The following ZMYND11 variants were observed in gnomAD, a reference collection of about 807,000 sequenced individuals.
ZMYND11 encodes the protein zinc finger MYND-type containing 11, also known as zinc finger MYND domain-containing protein 11.
ZMYND11 carries 9 observed loss-of-function variants against 84.9 expected under a neutral mutation model. The observed-to-expected ratio is 0.11, with a 90% CI of 0.06 to 0.18. The LOEUF is 0.18. Ranked by LOEUF, ZMYND11 falls within the 10% of genes least tolerant of loss-of-function variation. The probability of loss-of-function intolerance (pLI) is 1.00; values close to 1 mark genes in which losing one functional copy is unlikely to be tolerated. For missense variants in ZMYND11, 409 were observed against 761.0 expected, an observed-to-expected ratio of 0.54 and a Z score of 5.44; for synonymous variants, 250 against 244.1, an observed-to-expected ratio of 1.02 and a Z score of -0.23.
chr10:193,346 A>G (rs1285252227), intron 2 of ZMYND11, among the ~76,000 whole-genome samples: 2 of 152,182 alleles, frequency 1.3e-5, no homozygotes, highest in Non-Finnish European at 2.9e-5. Flanking sequence ...ACAGCATTCC[A>G]TATAGTTAAA....
intron 1 of ZMYND11, among the ~76,000 whole-genome samples, chr10:172,339 A>G (rs151259504): frequency 6.8e-4 from 104 of 152,356 alleles, no homozygotes; most frequent in African/African-American, 2.4e-3. Flanking sequence ...TGACATGATC[A>G]TTTATATAGC....
Position 252,504 on chromosome 10 carries a change from C to T in ZMYND11, c.*34C>T. On this transcript the variant is annotated 3_prime_UTR_variant, in exon 15 of 15. Coordinates refer to ENST00000381604, the MANE Select transcript of ZMYND11 (RefSeq NM_001370100.5). This position sits in a 1 kb window ranked among gnomAD's most constrained non-coding sequence, Gnocchi z 4.6. ...CTTCCCGGAGTCACCCCGATGATTA[C>T]TCTTTTCAGACACAGCGGTTTTTGT... 1 of 1,592,546 alleles carries T rather than the reference C, an allele frequency of 6.3e-7. No individual in the cohort carries two copies. The highest frequency in any genetic ancestry group is 8.5e-7 in the Non-Finnish European group (1 of 1,172,214).
chr10:162,739 T>C (rs1425836015), intron 1 of ZMYND11, among the ~76,000 whole-genome samples: 1 of 152,218 alleles, frequency 6.6e-6, no homozygotes, highest in African/African-American at 2.4e-5. Flanking sequence ...TGCCAAAGTT[T>C]ATTTAAGATT....
intron 2 of ZMYND11, among the ~76,000 whole-genome samples, chr10:187,721 A>T (rs1380097737): frequency 6.6e-6 from 1 of 152,126 alleles, no homozygotes; most frequent in Non-Finnish European, 1.5e-5. Flanking sequence ...GGTCAGTCTG[A>T]AATCAAAATA....
intron 1 of ZMYND11, chr10:148,199 C>A (rs1554755915): frequency 6.6e-6 from 1 of 152,330 alleles, no homozygotes; most frequent in African/African-American, 2.4e-5. Context: ...AGATTAGAGT[C>A]TTTAAACTGA....
chr10:167,385 TC>T (rs1844248861), intron 1 of ZMYND11, among the ~76,000 whole-genome samples: 1 of 152,122 alleles, frequency 6.6e-6, no homozygotes, highest in East Asian at 1.9e-4. Context: ...GTAACAATTT[TC>T]TCACCCACCA....
intron 10 of ZMYND11, among the ~76,000 whole-genome samples, chr10:242,956 CAATAA>C (rs1386321433): frequency 1.3e-5 from 2 of 151,878 alleles, no homozygotes; most frequent in Non-Finnish European, 2.9e-5. Flanking sequence ...AATAATGATC[CAATAA>C]AATAACTCAA....
chr10:251,589 T>C (rs1329114029), intron 14 of ZMYND11, among the ~76,000 whole-genome samples: 1 of 152,238 alleles, frequency 6.6e-6, no homozygotes, highest in African/African-American at 2.4e-5. Flanking sequence ...AGAAGGTCTC[T>C]CATCTTCCTT....
intron 1 of ZMYND11, among the ~76,000 whole-genome samples, chr10:166,745 A>G (rs2131576930): frequency 6.6e-6 from 1 of 152,248 alleles, no homozygotes; most frequent in Non-Finnish European, 1.5e-5. Context: ...ACTTCTGGGT[A>G]TATGCCCCAA....
At chr10:230,452 G>A (rs560242916) in intron 4 of ZMYND11, among the ~76,000 whole-genome samples, 12 of 137,972 alleles carry the variant, frequency 8.7e-5, no homozygotes, top group Admixed American at 5.4e-4. Flanking sequence ...CAGCCTGGGC[G>A]ACAGAGTGAG....
intron 2 of ZMYND11, among the ~76,000 whole-genome samples, chr10:185,630 A>G (rs1170969190): frequency 1.3e-5 from 2 of 151,562 alleles, no homozygotes; most frequent in African/African-American, 4.8e-5. Context: ...CCTTGCCAAC[A>G]TAGTGAAACC....
chr10:168,622 C>T (rs1415353159), intron 1 of ZMYND11, among the ~76,000 whole-genome samples: 1 of 152,034 alleles, frequency 6.6e-6, no homozygotes, highest in Non-Finnish European at 1.5e-5. Context: ...ATGTAAGGAG[C>T]TCATAAGTAA....
chr10:248,381 C>A lies in ZMYND11; in HGVS notation c.1273C>A (p.Pro425Thr). 6.2e-7 allele frequency: 1 copy of A among 1,614,124 alleles called. No individual in the cohort carries two copies. The highest frequency in any genetic ancestry group is 8.5e-7 in the Non-Finnish European group (1 of 1,180,014). ...TEAVSSSQEI[P>T]TMPQPIEKVS... ...AGCAGTAAGTTCTAGCCAGGAAATA[C>A]CCACGATGCCTCAGCCCATCGAAAA... Residue 425 changes from proline to threonine, a missense_variant, in exon 13 of 15, where the codon CCC (proline) becomes ACC (threonine). Around this residue, in one of 7 missense-constraint regions of ZMYND11, gnomAD observed 141 missense variants for 173.8 expected, o/e 0.81. Coordinates refer to ENST00000381604, the MANE Select transcript of ZMYND11 (RefSeq NM_001370100.5).
chr10:164,846 TAC>T (rs2131549689), intron 1 of ZMYND11, among the ~76,000 whole-genome samples: 1 of 152,142 alleles, frequency 6.6e-6, no homozygotes, highest in African/African-American at 2.4e-5. Flanking sequence ...GGTTTGTAAA[TAC>T]AGAGGTAAGA....
At chr10:229,313 C>A (rs536676847) in intron 4 of ZMYND11, among the ~76,000 whole-genome samples, 1 of 152,170 alleles carries the variant, frequency 6.6e-6, no homozygotes, top group Non-Finnish European at 1.5e-5. Context: ...CCAGGATGTT[C>A]TAAGAATCCA....
chr10:134,608 C>A (rs960004390), upstream of ZMYND11: 1 of 152,250 alleles, frequency 6.6e-6, no homozygotes, highest in Non-Finnish European at 1.5e-5. Context: ...AAGGGCTGTT[C>A]AGACTACCTA....
At chr10:152,907 T>C (rs1234327307) in intron 1 of ZMYND11, among the ~76,000 whole-genome samples, 2 of 152,228 alleles carry the variant, frequency 1.3e-5, no homozygotes, top group Admixed American at 1.3e-4. Flanking sequence ...GATTAAGAAC[T>C]CACTCAAAAC....
At chr10:186,995 A>C (rs1300939885) in intron 2 of ZMYND11, among the ~76,000 whole-genome samples, 1 of 152,186 alleles carries the variant, frequency 6.6e-6, no homozygotes, top group African/African-American at 2.4e-5. Context: ...TTGGAGGCTG[A>C]GATTGGGGGA....
chr10:142,568 G>A (rs1421562263), intron 1 of ZMYND11, among the ~76,000 whole-genome samples: 1 of 152,130 alleles, frequency 6.6e-6, no homozygotes, highest in Non-Finnish European at 1.5e-5. Context: ...AATCAAATTG[G>A]TCTGAATTCC....
Sources: gnomAD v4.1 joint callset for allele counts (sites outside exome capture counted in the v4.1 genomes callset) on GRCh38, gnomAD v4.1.1 for gene constraint, gnomAD v4.1.1 regional missense constraint, Gnocchi (gnomAD v3.1) non-coding constraint, MANE v1.5 for transcripts, NCBI Gene and HGNC (gene_info 2026-07-23, HGNC 2026-07-21) for gene names.